The following DYNC1H1 variants were observed in gnomAD, a reference collection of about 807,000 sequenced individuals.
The protein encoded by DYNC1H1 is dynein cytoplasmic 1 heavy chain 1.
A neutral mutation model predicts 527.1 loss-of-function variants in DYNC1H1; 51 were observed. The observed-to-expected ratio is 0.10, with a 90% CI of 0.08 to 0.12. The LOEUF is 0.12. Ranked by LOEUF, DYNC1H1 falls within the 10% of genes least tolerant of loss-of-function variation. The pLI is 1.00. For synonymous variants in DYNC1H1, 2,189 were observed against 2,278.8 expected (o/e 0.96, Z 1.12); for missense variants, 2,771 against 5,971.8 (o/e 0.46, Z 17.66).
chr14:102,049,647 C>CT lies in DYNC1H1; in HGVS notation c.13515+66dup. 6.2e-7 allele frequency: 1 copy of CT among 1,613,376 alleles called. No individual in the cohort carries two copies. Among genetic ancestry groups the CT allele is most frequent in the South Asian group, 1.1e-5 (1 of 91,062 alleles). ...GTCCTGGGCTGGGGTGGGAGTGGCT[C>CT]TGGGGAAAAACACAGGGCCCAGGTC... On this transcript the variant is annotated intron_variant, in intron 75 of 77. Coordinates refer to ENST00000360184, the MANE Select transcript of DYNC1H1 (RefSeq NM_001376.5). This position sits in a 1 kb window ranked among gnomAD's most constrained non-coding sequence, Gnocchi z 5.5.
At position 102,053,800 on chromosome 14, in the gene DYNC1H1, G is replaced by A. The variant is rs1489076430; in HGVS notation, c.*3237G>A. The A allele has an allele frequency of 1.3e-5, 2 of 148,966 alleles. No individual in the cohort carries two copies. Among genetic ancestry groups the A allele is most frequent in the Admixed American group, 6.7e-5 (1 of 14,852 alleles). 9.2% of individuals were successfully genotyped at this position (148,966 alleles called of 1,614,324 possible). A position where few individuals can be genotyped will look rare whatever the true frequency, so the allele number is the denominator to read the frequency against. ...CTGGCTCTGTCACTGAGGCTGGAGT[G>A]CAGTGATGCAACCTCATCTCACTGC... On this transcript the variant is annotated 3_prime_UTR_variant, in exon 78 of 78. Transcript: ENST00000360184.
intron 2 of DYNC1H1, among the ~76,000 whole-genome samples, chr14:101,977,843 A>T (rs2047819153): frequency 6.6e-6 from 1 of 152,236 alleles, no homozygotes; most frequent in African/African-American, 2.4e-5. Context: ...TCAATGTGTT[A>T]CATCAGAAAG....
rs914700251 is a variant in DYNC1H1, at chr14:102,047,587, G to A, written c.13007-230G>A. Reference sequence around the variant, plus strand: ...CACATATATATATACATACACATACGTATATATATATACACATATATGTAT... The same window carrying A: ...CACATATATATATACATACACATACATATATATATATACACATATATGTAT... On this transcript the variant is annotated intron_variant, in intron 72 of 77. Coordinates refer to ENST00000360184, the MANE Select transcript of DYNC1H1 (RefSeq NM_001376.5). 3.4e-5 allele frequency: 11 copies of A among 323,630 alleles called. No homozygotes were observed. The East Asian group carries it at 3.5e-4, about 10-fold the overall frequency. The allele number at this position is 323,630 out of a possible 1,614,324, so 20.0% of individuals were successfully genotyped here.
In DYNC1H1 at chr14:101,964,580, G is replaced by C; in HGVS notation, c.-112G>C. ...CCGGCTCCCGCTCTCCTCAGTCTGC[G>C]GTGGGCTAGCGGACGGTCCGGCTTC... On this transcript the variant is annotated 5_prime_UTR_variant, in exon 1 of 78. Transcript: ENST00000360184. The surrounding 1 kb of genome is among the most constrained non-coding windows in gnomAD (Gnocchi z 5.5). 2 of 1,519,578 alleles carry C rather than the reference G, an allele frequency of 1.3e-6. No individual in the cohort carries two copies. Among genetic ancestry groups the C allele is most frequent in the Admixed American group, 4.0e-5 (2 of 50,344 alleles). The allele number at this position is 1,519,578 out of a possible 1,614,324, so 94.1% of individuals were successfully genotyped here. A position where few individuals can be genotyped will look rare whatever the true frequency, so the allele number is the denominator to read the frequency against.
At chr14:101,991,456 ACT>A (rs2047997148) in intron 10 of DYNC1H1, 69 bp from the exon 11 acceptor site, 2 of 1,591,666 alleles carry the variant, frequency 1.3e-6, no homozygotes, top group Admixed American at 1.7e-5. Flanking sequence ...TAAGAGTGAA[ACT>A]CTGTCTTAAA....
At chr14:101,999,891 C>T (rs756344352) in intron 16 of DYNC1H1, 98 bp from the exon 17 acceptor site, 36 of 1,568,508 alleles carry the variant, frequency 2.3e-5, no homozygotes, top group Non-Finnish European at 3.0e-5. Context: ...TCCGAAACGT[C>T]CAGAAGCCCT....
chr14:102,047,416 A>G (rs2152599618), intron 72 of DYNC1H1, among the ~76,000 whole-genome samples: 1 of 151,906 alleles, frequency 6.6e-6, no homozygotes, highest in South Asian at 2.1e-4. Context: ...ACATGCCTGT[A>G]ATCCCAGCTA....
intron 74 of DYNC1H1, chr14:102,048,891 C>T: frequency 1.6e-6 from 1 of 622,954 alleles, no homozygotes; most frequent in East Asian, 3.0e-5. Context: ...GAATGTTGAC[C>T]AAAATCTTTA....
rs2048803905 is a variant in DYNC1H1, at chr14:102,051,096, T to C, written c.*533T>C. The C allele has an allele frequency of 4.8e-6, 1 of 209,424 alleles. No homozygotes were observed. Among genetic ancestry groups the C allele is most frequent in the Non-Finnish European group, 9.7e-6 (1 of 103,160 alleles). 13.0% of individuals were successfully genotyped at this position (209,424 alleles called of 1,614,324 possible). A position where few individuals can be genotyped will look rare whatever the true frequency, so the allele number is the denominator to read the frequency against. ...CTCGGCAACATAGTGAGACCCCGTC[T>C]CTACAGGAAATTAAATCAGGTGTGG... On this transcript the variant is annotated 3_prime_UTR_variant, in exon 78 of 78. Coordinates refer to ENST00000360184, the MANE Select transcript of DYNC1H1 (RefSeq NM_001376.5).
In DYNC1H1 at chr14:101,964,626, T is replaced by C. The variant is rs1230598468; in HGVS notation, c.-66T>C. 1 of 1,539,992 alleles carries C rather than the reference T, an allele frequency of 6.5e-7. No individual in the cohort carries two copies. Among genetic ancestry groups the C allele is most frequent in the South Asian group, 1.2e-5 (1 of 84,764 alleles). On this transcript the variant is annotated 5_prime_UTR_variant, in exon 1 of 78. Coordinates refer to ENST00000360184, the MANE Select transcript of DYNC1H1 (RefSeq NM_001376.5). This position sits in a 1 kb window ranked among gnomAD's most constrained non-coding sequence, Gnocchi z 5.5. Reference sequence around the variant, plus strand: ...GCTTCCGGCGGCCGTTTCTGTCTCTTGCTGGCTGTCTCGCTGAGTCGCGGC... The same window carrying C: ...GCTTCCGGCGGCCGTTTCTGTCTCTCGCTGGCTGTCTCGCTGAGTCGCGGC...
chr14:102,040,712 A>C (rs759830591), intron 64 of DYNC1H1, 39 bp downstream of exon 64: 10 of 1,612,810 alleles, frequency 6.2e-6, no homozygotes, highest in African/African-American at 1.3e-5. Context: ...ACCTGAATGT[A>C]AAGTTGGGTT....
Position 102,009,494 on chromosome 14 carries a change from G to A in DYNC1H1, c.5978-349G>A, listed in dbSNP as rs28532397. 1,687 of 314,710 alleles carry A rather than the reference G, an allele frequency of 5.4e-3. 29 individuals are homozygous for A. Among genetic ancestry groups the A allele is most frequent in the African/African-American group, 0.035 (1,568 of 44,204 alleles). 19.5% of individuals were successfully genotyped at this position (314,710 alleles called of 1,614,324 possible). A position where few individuals can be genotyped will look rare whatever the true frequency, so the allele number is the denominator to read the frequency against. On this transcript the variant is annotated intron_variant, in intron 29 of 77. Transcript: ENST00000360184. ...CATGATGTAAGCCAGTCAGTGTCGC[G>A]GCATTTATTCCTTTTTTTTTTTTTT...
chr14:102,019,227 G>A (rs956210600), intron 41 of DYNC1H1, among the ~76,000 whole-genome samples: 43 of 152,324 alleles, frequency 2.8e-4, no homozygotes, highest in African/African-American at 9.6e-4. Context: ...AGCAGCACCC[G>A]CTTCCCTGTA....
chr14:101,979,506 T>C lies in DYNC1H1; in HGVS notation c.518+14T>C, dbSNP rs779138194. ...CAAGGCAGACAGGTAAAAACTGTGG[T>C]TTGAATGTTATATTTCACTTAATGT... On this transcript the variant is annotated intron_variant, in intron 3 of 77. Coordinates refer to ENST00000360184, the MANE Select transcript of DYNC1H1 (RefSeq NM_001376.5). The surrounding 1 kb of genome is among the most constrained non-coding windows in gnomAD (Gnocchi z 4.6). 1 of 1,614,080 alleles carries C rather than the reference T, an allele frequency of 6.2e-7. No individual in the cohort carries two copies. The highest frequency in any genetic ancestry group is 8.5e-7 in the Non-Finnish European group (1 of 1,180,010).
At chr14:102,025,565 G>GAAAAA (rs3067914) in intron 43 of DYNC1H1, among the ~76,000 whole-genome samples, 2 of 102,340 alleles carry the variant, frequency 2.0e-5, no homozygotes. Context: ...CTGTCTCAAG[G>GAAAAA]AAAAAAAAAA....
rs895991185 is a variant in DYNC1H1 at position 101,980,465 on chromosome 14, G to C, written c.876G>C (p.Arg292=). The change falls in exon 5 of 78, where the codon CGG becomes CGC. Residue 292 remains arginine, a synonymous_variant. Coordinates refer to ENST00000360184, the MANE Select transcript of DYNC1H1 (RefSeq NM_001376.5). Reference sequence around the variant, plus strand: ...CGTTATACCGCATCCAGGAGAAACGGGAGAGCCCGGAAGTTCTCCTGACTC... The same window carrying C: ...CGTTATACCGCATCCAGGAGAAACGCGAGAGCCCGGAAGTTCTCCTGACTC... ...ERALYRIQEK[R]ESPEVLLTLD... 6.2e-7 allele frequency: 1 copy of C among 1,614,210 alleles called. No homozygotes were observed. The highest frequency in any genetic ancestry group is 8.5e-7 in the Non-Finnish European group (1 of 1,180,050).
At chr14:101,991,450 A>T in intron 10 of DYNC1H1, 77 bp from the exon 11 acceptor site, 1 of 1,570,894 alleles carries the variant, frequency 6.4e-7, no homozygotes, top group Non-Finnish European at 8.7e-7. Context: ...GGGCAGTAAG[A>T]GTGAAACTCT....
At chr14:102,030,871 A>C (rs999832917) in intron 51 of DYNC1H1, among the ~76,000 whole-genome samples, 6 of 152,194 alleles carry the variant, frequency 3.9e-5, no homozygotes, top group Non-Finnish European at 5.9e-5. Flanking sequence ...AGGCCGAGGC[A>C]GGAGGATCAT....
chr14:102,033,815 T>C lies in DYNC1H1; in HGVS notation c.10414-161T>C. ...CTGAGTCGTGTGTGGTCATTAGTTA[T>C]ATATGATCTGGGTCTCATCTCCTCT... On this transcript the variant is annotated intron_variant, in intron 54 of 77. Transcript: ENST00000360184. This position sits in a 1 kb window ranked among gnomAD's most constrained non-coding sequence, Gnocchi z 5.6. 1 of 778,424 alleles carries C rather than the reference T, an allele frequency of 1.3e-6. No individual in the cohort carries two copies. The highest frequency in any genetic ancestry group is 2.1e-6 in the Non-Finnish European group (1 of 469,878). The allele number at this position is 778,424 out of a possible 1,614,324, so 48.2% of individuals were successfully genotyped here.
Sources: gnomAD v4.1 joint callset for allele counts (sites outside exome capture counted in the v4.1 genomes callset) on GRCh38, gnomAD v4.1.1 for gene constraint, Gnocchi (gnomAD v3.1) non-coding constraint, MANE v1.5 for transcripts, NCBI Gene and HGNC (gene_info 2026-07-23, HGNC 2026-07-21) for gene names.